The following KCMF1 variants were observed in gnomAD, a reference collection of about 807,000 sequenced individuals.
KCMF1 encodes the protein potassium channel modulatory factor 1.
Under a neutral mutation model 41.1 loss-of-function variants are expected in KCMF1, and 3 were observed. The observed-to-expected ratio is 0.07, with a 90% CI of 0.03 to 0.19. KCMF1 has a LOEUF of 0.19. KCMF1 is among the 10% of genes least tolerant of loss of function. The pLI is 1.00. For missense variants in KCMF1, 286 were observed against 488.9 expected, an observed-to-expected ratio of 0.58 and a Z score of 3.91; for synonymous variants, 142 against 164.5, an observed-to-expected ratio of 0.86 and a Z score of 1.04.
At chr2:84,991,603 A>G (rs973412931) in intron 1 of KCMF1, among the ~76,000 whole-genome samples, 3 of 152,168 alleles carry the variant, frequency 2.0e-5, no homozygotes, top group African/African-American at 7.2e-5. Context: ...CTACAGTGAG[A>G]CAGGTCCAGG....
chr2:84,992,811 G>A (rs537404960), intron 1 of KCMF1, among the ~76,000 whole-genome samples: 9 of 151,956 alleles, frequency 5.9e-5, no homozygotes, highest in South Asian at 2.1e-4. Context: ...TTGTAGAGAC[G>A]GGGTTTCACC....
intron 1 of KCMF1, among the ~76,000 whole-genome samples, chr2:84,982,096 T>G (rs940300797): frequency 2.6e-5 from 4 of 152,156 alleles, no homozygotes; most frequent in African/African-American, 7.2e-5. Context: ...CTTCATAGAT[T>G]TGTGATTATC....
intron 1 of KCMF1, among the ~76,000 whole-genome samples, chr2:84,979,385 G>A (rs117035060): frequency 0.015 from 2,320 of 151,978 alleles, 29 homozygotes; most frequent in South Asian, 0.063. Context: ...ATATCTGGGC[G>A]TGATGGCAGG....
intron 2 of KCMF1, among the ~76,000 whole-genome samples, chr2:85,032,765 C>T (rs760824178): frequency 1.3e-5 from 2 of 152,214 alleles, no homozygotes; most frequent in Non-Finnish European, 1.5e-5. Flanking sequence ...ACCCACTTCG[C>T]TCTCCCTCCC....
chr2:85,006,356 A>G (rs891453106), intron 1 of KCMF1, among the ~76,000 whole-genome samples: 13 of 129,424 alleles, frequency 1.0e-4, no homozygotes, highest in Admixed American at 1.9e-4. Flanking sequence ...GCTGGAGTGC[A>G]GTGGCGCCAT....
At chr2:85,020,929 GTATGATCA>G (rs1405437675) in intron 1 of KCMF1, among the ~76,000 whole-genome samples, 1 of 152,054 alleles carries the variant, frequency 6.6e-6, no homozygotes, top group Non-Finnish European at 1.5e-5. Context: ...GAGTGCAGTT[GTATGATCA>G]TAGCTCACAG....
At chr2:85,046,033 C>A in intron 4 of KCMF1, 71 bp from the exon 5 acceptor site, 1 of 1,249,564 alleles carries the variant, frequency 8.0e-7, no homozygotes, top group Non-Finnish European at 1.1e-6. Flanking sequence ...TTACATCTGT[C>A]TAGCAAGGAC....
At chr2:85,041,615 A>G (rs572480818) in intron 3 of KCMF1, among the ~76,000 whole-genome samples, 4 of 152,194 alleles carry the variant, frequency 2.6e-5, no homozygotes, top group Non-Finnish European at 4.4e-5. Flanking sequence ...TTCTCTTTAA[A>G]TAAAAATCTT....
At chr2:85,007,723 T>C (rs1392919998) in intron 1 of KCMF1, among the ~76,000 whole-genome samples, 1 of 152,156 alleles carries the variant, frequency 6.6e-6, no homozygotes, top group Non-Finnish European at 1.5e-5. Context: ...ATTGTGTGAT[T>C]TTATGTATGT....
chr2:84,992,590 T>C (rs568644739), intron 1 of KCMF1, among the ~76,000 whole-genome samples: 1 of 152,162 alleles, frequency 6.6e-6, no homozygotes, highest in Non-Finnish European at 1.5e-5. Flanking sequence ...ATAAATACTT[T>C]GCATACAGTT....
chr2:85,009,973 G>C (rs773284235), intron 1 of KCMF1, among the ~76,000 whole-genome samples: 3 of 152,126 alleles, frequency 2.0e-5, no homozygotes, highest in Non-Finnish European at 2.9e-5. Flanking sequence ...TTTGTAAATT[G>C]GATTCTTAGC....
In KCMF1 at chr2:84,971,442, C is replaced by T. The variant is rs1391818813; in HGVS notation, c.-10C>T. On this transcript the variant is annotated 5_prime_UTR_variant, in exon 1 of 7. Coordinates refer to ENST00000409785, the MANE Select transcript of KCMF1 (RefSeq NM_020122.5). ...CCGGGAGGGGCCGCGCCGCCACCGT[C>T]TGAACTAGGATGTCCCGACATGAAG... 1.6e-6 allele frequency: 2 copies of T among 1,271,008 alleles called. No homozygotes were observed. Among genetic ancestry groups the T allele is most frequent in the Admixed American group, 2.9e-5 (1 of 34,800 alleles). 78.7% of individuals were successfully genotyped at this position (1,271,008 alleles called of 1,614,324 possible). A position where few individuals can be genotyped will look rare whatever the true frequency, so the allele number is the denominator to read the frequency against.
At chr2:85,002,987 A>G (rs1306431096) in intron 1 of KCMF1, among the ~76,000 whole-genome samples, 1 of 152,232 alleles carries the variant, frequency 6.6e-6, no homozygotes, top group African/African-American at 2.4e-5. Context: ...TTGTAGATAT[A>G]TCACAGTTAT....
chr2:84,979,082 A>G (rs562143353), intron 1 of KCMF1, among the ~76,000 whole-genome samples: 1 of 151,850 alleles, frequency 6.6e-6, no homozygotes, highest in African/African-American at 2.4e-5. Context: ...TCCTGACCTC[A>G]AGTGATTCCC....
intron 1 of KCMF1, among the ~76,000 whole-genome samples, chr2:84,991,030 C>T (rs1210837666): frequency 6.6e-6 from 1 of 152,154 alleles, no homozygotes; most frequent in African/African-American, 2.4e-5. Flanking sequence ...GAAGGCAAGA[C>T]TCCTAATTGG....
chr2:84,983,129 T>A (rs185417344), intron 1 of KCMF1, among the ~76,000 whole-genome samples: 280 of 152,308 alleles, frequency 1.8e-3, no homozygotes, highest in Non-Finnish European at 2.9e-3. Flanking sequence ...ACTTGCAGAA[T>A]TGGCATAGAC....
chr2:84,986,218 G>A (rs1673896516), intron 1 of KCMF1, among the ~76,000 whole-genome samples: 1 of 152,042 alleles, frequency 6.6e-6, no homozygotes, highest in African/African-American at 2.4e-5. Context: ...TAAAGTATGT[G>A]GTATGACTGA....
In KCMF1 at chr2:85,053,481, G is replaced by A. The variant is rs1675855992; in HGVS notation, c.*72G>A. 2 of 1,449,586 alleles carry A rather than the reference G, an allele frequency of 1.4e-6. No individual in the cohort carries two copies. Among genetic ancestry groups the A allele is most frequent in the East Asian group, 4.8e-5 (2 of 41,630 alleles). 89.8% of individuals were successfully genotyped at this position (1,449,586 alleles called of 1,614,324 possible). On this transcript the variant is annotated 3_prime_UTR_variant, in exon 7 of 7. Coordinates refer to ENST00000409785, the MANE Select transcript of KCMF1 (RefSeq NM_020122.5). ...TGAAAGTGGACAACAACTATCTTGG[G>A]TTTGTTTGGTGATTGTAATTTCAGG... is the stretch of plus-strand genomic sequence containing the variant.
In KCMF1 at chr2:85,043,378, T is replaced by C. The variant is rs188045713; in HGVS notation, c.325-186T>C. On this transcript the variant is annotated intron_variant, in intron 3 of 6. Transcript: ENST00000409785. ...TTGGTGTGTCTGAAACTGTTGTGTTTGACCCTGAGGGACCTTGTGTGAACA... is the reference window on the plus strand; with the variant it reads ...TTGGTGTGTCTGAAACTGTTGTGTTCGACCCTGAGGGACCTTGTGTGAACA... 8.4e-4 allele frequency among the ~76,000 whole-genome samples: 128 copies of C among 152,378 alleles called. No individual in the cohort carries two copies. The East Asian group carries it at 0.02, about 24-fold the overall frequency.
Sources: allele counts gnomAD v4.1 joint callset (sites outside exome capture counted in the v4.1 genomes callset), GRCh38; gene constraint gnomAD v4.1.1; transcripts MANE v1.5; gene names NCBI Gene and HGNC (gene_info 2026-07-23, HGNC 2026-07-21).